Variants in VCAN observed in about 807,000 individuals in gnomAD.
The protein encoded by VCAN is versican core protein.
A neutral mutation model predicts 245.5 loss-of-function variants in VCAN; 44 were observed. The observed-to-expected ratio is 0.18, with a 90% CI of 0.14 to 0.23. The LOEUF (loss-of-function observed/expected upper bound fraction) is 0.23. VCAN is among the 10% of genes least tolerant of loss of function. The probability of loss-of-function intolerance (pLI) is 1.00; values close to 1 mark genes in which losing one functional copy is unlikely to be tolerated. For synonymous variants in VCAN, 1,413 were observed against 1,437.0 expected, an observed-to-expected ratio of 0.98 and a Z score of 0.38; for missense variants, 3,793 against 4,057.9, an observed-to-expected ratio of 0.93 and a Z score of 1.77.
At chr5:83,509,081 A>G (rs199547113) in intron 5 of VCAN, among the ~76,000 whole-genome samples, 1 of 142,164 alleles carries the variant, frequency 7.0e-6, no homozygotes, top group Non-Finnish European at 1.5e-5. Context: ...GAAAGAAAGA[A>G]AGAGAAAGAA....
intron 12 of VCAN, among the ~76,000 whole-genome samples, chr5:83,563,856 T>G (rs1304348057): frequency 1.3e-5 from 2 of 151,902 alleles, no homozygotes; most frequent in Non-Finnish European, 2.9e-5. Context: ...AGACATTGCA[T>G]TTGTGTGCTT....
intron 12 of VCAN, among the ~76,000 whole-genome samples, chr5:83,558,423 A>G: frequency 6.6e-6 from 1 of 151,864 alleles, no homozygotes; most frequent in East Asian, 1.9e-4. Context: ...CACCCTCTCT[A>G]TCTCCATTTT....
Position 83,539,057 on chromosome 5 carries a change from C to T in VCAN, c.6054C>T (p.Val2018=). ...AEGSGEQLVT[V]SSSVVPVLPS... ...GCTCAGGTGAGCAACTGGTCACAGT[C>T]AGCAGCTCTGTTGTTCCAGTGCTTC... Residue 2018 remains valine, a synonymous_variant, in exon 8 of 15, where the codon GTC becomes GTT. Transcript: ENST00000265077. The T allele has an allele frequency of 6.2e-7, 1 of 1,613,990 alleles. No individual in the cohort carries two copies. The highest frequency in any genetic ancestry group is 8.5e-7 in the Non-Finnish European group (1 of 1,179,964).
chr5:83,474,571 CTGGGTTAGCCAGCCGCCACG>C (rs1346022327), intron 1 of VCAN, among the ~76,000 whole-genome samples: 2 of 152,342 alleles, frequency 1.3e-5, no homozygotes, highest in Non-Finnish European at 1.5e-5. Context: ...CCCGCAGCGG[CTGGGTTAGCCAGCCGCCACG>C]TGGGTTGGCG....
intron 1 of VCAN, among the ~76,000 whole-genome samples, chr5:83,474,615 C>G (rs1171420098): frequency 6.6e-6 from 1 of 152,146 alleles, no homozygotes; most frequent in Non-Finnish European, 1.5e-5. Flanking sequence ...CGGCTCCCAG[C>G]CGAGACGGGT....
chr5:83,565,336 C>G (rs1748030739), intron 12 of VCAN, among the ~76,000 whole-genome samples: 1 of 151,632 alleles, frequency 6.6e-6, no homozygotes, highest in Non-Finnish European at 1.5e-5. Context: ...GAAGCATTAC[C>G]AAGTCTTAGG....
At chr5:83,528,337 A>G (rs150349394) in intron 7 of VCAN, among the ~76,000 whole-genome samples, 3 of 152,264 alleles carry the variant, frequency 2.0e-5, no homozygotes, top group Non-Finnish European at 4.4e-5. Context: ...TTATTAGCCA[A>G]TTGCTTCCCA....
At chr5:83,573,798 AC>A (rs1469453260) in intron 13 of VCAN, among the ~76,000 whole-genome samples, 1 of 152,160 alleles carries the variant, frequency 6.6e-6, no homozygotes, top group Non-Finnish European at 1.5e-5. Context: ...CATCTGAAAT[AC>A]CATGATGAAC....
Position 83,539,135 on chromosome 5 carries a change from A to T in VCAN, c.6132A>T (p.Gly2044=). The T allele has an allele frequency of 6.2e-7, 1 of 1,613,992 alleles. No individual in the cohort carries two copies. The highest frequency in any genetic ancestry group is 8.5e-7 in the Non-Finnish European group (1 of 1,179,964). The part of the protein sequence containing the change: ...SGTASSIIDE[G]LGEVGTVNEI... ...CAGCTTCCTCCATTATCGACGAAGGATTGGGAGAAGTGGGTACTGTCAATG... is the reference window on the plus strand; with the variant it reads ...CAGCTTCCTCCATTATCGACGAAGGTTTGGGAGAAGTGGGTACTGTCAATG... The change falls in exon 8 of 15, where the codon GGA becomes GGT. Residue 2044 remains glycine, a synonymous_variant. Coordinates refer to ENST00000265077, the MANE Select transcript of VCAN (RefSeq NM_004385.5).
At chr5:83,564,944 A>T (rs1164626203) in intron 12 of VCAN, among the ~76,000 whole-genome samples, 1 of 152,178 alleles carries the variant, frequency 6.6e-6, no homozygotes, top group African/African-American at 2.4e-5. Flanking sequence ...AGGTAATCTA[A>T]ACTATGGCGA....
chr5:83,499,015 C>T lies in VCAN; in HGVS notation c.748+5084C>T, dbSNP rs968222827. On this transcript the variant is annotated intron_variant, in intron 5 of 14. Transcript: ENST00000265077. ...AATGTGACCCCACACACGTGCATCT[C>T]GCCCTGCACAGACCCTTTGCTTGCT... is the stretch of plus-strand genomic sequence containing the variant. 3.3e-5 allele frequency among the ~76,000 whole-genome samples: 5 copies of T among 152,182 alleles called. No homozygotes were observed. The East Asian group carries it at 7.8e-4, about 24-fold the overall frequency.
intron 2 of VCAN, among the ~76,000 whole-genome samples, chr5:83,486,855 G>A (rs1210728538): frequency 2.6e-5 from 4 of 152,082 alleles, no homozygotes. Flanking sequence ...ACAAATATAC[G>A]ATCCACATAA....
intron 1 of VCAN, among the ~76,000 whole-genome samples, chr5:83,476,436 A>T (rs1243936527): frequency 6.6e-6 from 1 of 152,254 alleles, no homozygotes; most frequent in Non-Finnish European, 1.5e-5. Flanking sequence ...TAGAGAAACC[A>T]GTTAGGACTG....
intron 6 of VCAN, among the ~76,000 whole-genome samples, chr5:83,516,094 T>C (rs1025346464): frequency 8.5e-5 from 13 of 152,116 alleles, no homozygotes; most frequent in Non-Finnish European, 1.5e-4. Flanking sequence ...TAGCCGGGCA[T>C]GGTGGCGGGC....
chr5:83,527,372 C>G lies in VCAN; in HGVS notation c.4003+5063C>G, dbSNP rs1746343508. 2.6e-5 allele frequency among the ~76,000 whole-genome samples: 4 copies of G among 152,160 alleles called. 1 individual carries two copies. The South Asian group carries it at 8.3e-4, about 32-fold the overall frequency. On this transcript the variant is annotated intron_variant, in intron 7 of 14. Transcript: ENST00000265077. ...CACCTCCGTGGTTCCTTTTCCTGAGCTCCAGCTGTGGCTGTCTGTCAGAGA... is the reference window on the plus strand; with the variant it reads ...CACCTCCGTGGTTCCTTTTCCTGAGGTCCAGCTGTGGCTGTCTGTCAGAGA...
intron 1 of VCAN, among the ~76,000 whole-genome samples, chr5:83,473,884 G>A (rs1180730739): frequency 1.2e-4 from 18 of 152,162 alleles, no homozygotes; most frequent in Admixed American, 1.2e-3. Flanking sequence ...GGAGTTTGGA[G>A]GACCCTGAAA....
chr5:83,478,898 G>C (rs1356792234), intron 1 of VCAN, among the ~76,000 whole-genome samples: 8 of 152,134 alleles, frequency 5.3e-5, no homozygotes, highest in Non-Finnish European at 8.8e-5. Flanking sequence ...ATATGTGCTA[G>C]GATGAAAATA....
At chr5:83,486,066 G>A (rs1370628852) in intron 2 of VCAN, among the ~76,000 whole-genome samples, 2 of 152,048 alleles carry the variant, frequency 1.3e-5, no homozygotes, top group East Asian at 1.9e-4. Context: ...ACAGGGGGTC[G>A]AGGCTGCAGT....
chr5:83,516,811 C>T (rs1055007263), intron 6 of VCAN, among the ~76,000 whole-genome samples: 10 of 152,124 alleles, frequency 6.6e-5, no homozygotes, highest in East Asian at 1.9e-4. Context: ...AATATCTCTT[C>T]GTAGATATTG....
Sources: gnomAD v4.1 joint callset for allele counts (sites outside exome capture counted in the v4.1 genomes callset) on GRCh38, gnomAD v4.1.1 for gene constraint, MANE v1.5 for transcripts, NCBI Gene and HGNC (gene_info 2026-07-23, HGNC 2026-07-21) for gene names.